The following IL1RAPL2 variants were observed in gnomAD, a reference collection of about 807,000 sequenced individuals.
IL1RAPL2 encodes the protein interleukin 1 receptor accessory protein like 2.
In IL1RAPL2, 3 loss-of-function variants were observed where a neutral mutation model predicts 44.1. The ratio of observed to expected loss-of-function variants is 0.07; its 90% CI spans 0.03 to 0.18. The LOEUF (loss-of-function observed/expected upper bound fraction) is 0.18. Ranked by LOEUF, IL1RAPL2 falls within the 10% of genes least tolerant of loss-of-function variation. IL1RAPL2 has a pLI of 1.00. For missense variants in IL1RAPL2, 391 were observed against 496.4 expected, an observed-to-expected ratio of 0.79 and a Z score of 2.02; for synonymous variants, 181 against 178.8, an observed-to-expected ratio of 1.01 and a Z score of -0.10.
Position 104,916,338 on chromosome X carries a change from A to C in IL1RAPL2, c.82+257343A>C, listed in dbSNP as rs931550192. Among the ~76,000 whole-genome samples, 3 of 111,481 alleles carry C rather than the reference A, an allele frequency of 2.7e-5. No homozygotes were observed. The Admixed American group carries it at 2.9e-4, about 11-fold the overall frequency. ...TTTATTCTCTTTGAAGCAATTGTGA[A>C]TGGGAGTTCACTCATGATTTGGCTC... On this transcript the variant is annotated intron_variant, in intron 2 of 10. Coordinates refer to ENST00000372582, the MANE Select transcript of IL1RAPL2 (RefSeq NM_017416.2).
At chrX:104,796,181 G>A (rs973692571) in intron 2 of IL1RAPL2, among the ~76,000 whole-genome samples, 5 of 112,257 alleles carry the variant, frequency 4.5e-5, no homozygotes, top group Non-Finnish European at 9.4e-5. Flanking sequence ...TAAAATGAGG[G>A]TGTAACTACA....
intron 2 of IL1RAPL2, among the ~76,000 whole-genome samples, chrX:105,182,321 G>A (rs1416701504): frequency 9.0e-6 from 1 of 110,879 alleles, no homozygotes; most frequent in African/African-American, 3.3e-5. Flanking sequence ...CTCTGGTGTT[G>A]GGTGTATATG....
intron 2 of IL1RAPL2, among the ~76,000 whole-genome samples, chrX:105,142,602 T>G (rs2147583991): frequency 9.0e-6 from 1 of 110,526 alleles, no homozygotes; most frequent in Non-Finnish European, 1.9e-5. Flanking sequence ...GTGACATTTT[T>G]TTTTTTAGCT....
At chrX:105,465,585 T>G (rs1031002778) in intron 5 of IL1RAPL2, among the ~76,000 whole-genome samples, 19 of 112,107 alleles carry the variant, frequency 1.7e-4, no homozygotes, top group Non-Finnish European at 3.0e-4. Context: ...CAACTTTGTA[T>G]AGAAACAGAC....
intron 10 of IL1RAPL2, among the ~76,000 whole-genome samples, chrX:105,756,188 GATA>G (rs1234890661): frequency 3.6e-5 from 4 of 112,038 alleles, no homozygotes; most frequent in African/African-American, 9.7e-5. Flanking sequence ...TTCAACATGT[GATA>G]ATAACAAAAT....
intron 1 of IL1RAPL2, among the ~76,000 whole-genome samples, chrX:104,629,408 C>A (rs1296061600): frequency 1.8e-5 from 2 of 111,450 alleles, no homozygotes; most frequent in Non-Finnish European, 3.8e-5. Flanking sequence ...ATTGTTTGAG[C>A]TCCTTGTGTA....
At chrX:105,148,739 A>T (rs763577194) in intron 2 of IL1RAPL2, among the ~76,000 whole-genome samples, 2 of 111,796 alleles carry the variant, frequency 1.8e-5, no homozygotes, top group Non-Finnish European at 3.8e-5. Flanking sequence ...GTCCCCCTAA[A>T]ATTCATATGT....
intron 2 of IL1RAPL2, among the ~76,000 whole-genome samples, chrX:104,945,683 A>G (rs1297073002): frequency 1.8e-5 from 2 of 112,201 alleles, no homozygotes; most frequent in African/African-American, 6.5e-5. Flanking sequence ...TGTATAGTGT[A>G]TACGAATAAT....
At chrX:105,287,449 A>G (rs1490725046) in intron 5 of IL1RAPL2, among the ~76,000 whole-genome samples, 1 of 111,796 alleles carries the variant, frequency 8.9e-6, no homozygotes, top group Non-Finnish European at 1.9e-5. Context: ...AGCCTTTGCC[A>G]CATTCAAGAT....
chrX:104,649,773 ATG>A (rs1930118249), intron 1 of IL1RAPL2, among the ~76,000 whole-genome samples: 1 of 111,748 alleles, frequency 8.9e-6, no homozygotes. Flanking sequence ...CATAAGTTAA[ATG>A]TGTTTTGGTT....
intron 2 of IL1RAPL2, among the ~76,000 whole-genome samples, chrX:104,808,337 T>A (rs918597590): frequency 1.7e-4 from 19 of 111,752 alleles, no homozygotes; most frequent in Non-Finnish European, 3.2e-4. Flanking sequence ...TAAGCTATTA[T>A]TATGCCCATT....
chrX:104,910,749 A>G (rs776002733), intron 2 of IL1RAPL2, among the ~76,000 whole-genome samples: 13 of 111,991 alleles, frequency 1.2e-4, no homozygotes, highest in Non-Finnish European at 3.8e-5. Flanking sequence ...CACTCTACAT[A>G]TTCACGTGCA....
At chrX:104,623,387 G>A (rs927521917) in intron 1 of IL1RAPL2, among the ~76,000 whole-genome samples, 2 of 111,003 alleles carry the variant, frequency 1.8e-5, no homozygotes, top group Non-Finnish European at 3.8e-5. Context: ...CAGGGCTGAG[G>A]GAAGTAGTTT....
chrX:104,628,441 C>T (rs1293891619), intron 1 of IL1RAPL2, among the ~76,000 whole-genome samples: 3 of 111,365 alleles, frequency 2.7e-5, no homozygotes, highest in Non-Finnish European at 5.7e-5. Flanking sequence ...TGAGGACATG[C>T]AATGTTTGTA....
intron 2 of IL1RAPL2, among the ~76,000 whole-genome samples, chrX:104,677,980 A>G (rs1930816064): frequency 8.9e-6 from 1 of 112,064 alleles, no homozygotes; most frequent in Non-Finnish European, 1.9e-5. Context: ...GCACCCACTG[A>G]CCTGCGCCCA....
chrX:105,266,945 T>C (rs1413386364), intron 4 of IL1RAPL2, among the ~76,000 whole-genome samples: 1 of 111,715 alleles, frequency 9.0e-6, no homozygotes, highest in Non-Finnish European at 1.9e-5. Flanking sequence ...TATGAAAGAT[T>C]AATAATGCCT....
At chrX:104,934,630 T>A (rs992621803) in intron 2 of IL1RAPL2, among the ~76,000 whole-genome samples, 1 of 110,509 alleles carries the variant, frequency 9.0e-6, no homozygotes, top group Non-Finnish European at 1.9e-5. Context: ...AAGAAAGAAA[T>A]AAAAACAACT....
intron 2 of IL1RAPL2, among the ~76,000 whole-genome samples, chrX:104,724,936 G>A (rs772004870): frequency 3.6e-5 from 4 of 111,211 alleles, no homozygotes; most frequent in Non-Finnish European, 7.6e-5. Context: ...TACAGAATGT[G>A]CAGGTTTGCT....
intron 2 of IL1RAPL2, among the ~76,000 whole-genome samples, chrX:104,880,972 C>T (rs772060477): frequency 1.1e-3 from 119 of 111,328 alleles, no homozygotes; most frequent in Middle Eastern, 4.7e-3. Context: ...CCTCATTTTG[C>T]GGAGTGGTTA....
Sources: allele counts gnomAD v4.1 joint callset (sites outside exome capture counted in the v4.1 genomes callset), GRCh38; gene constraint gnomAD v4.1.1; transcripts MANE v1.5; gene names NCBI Gene and HGNC (gene_info 2026-07-23, HGNC 2026-07-21).